CRYZ: variants seen among roughly 807,000 people sequenced by gnomAD.
CRYZ encodes the protein crystallin zeta, also known as zeta-crystallin.
A neutral mutation model predicts 34.1 loss-of-function variants in CRYZ; 35 were observed. That is an observed-to-expected ratio of 1.03 (90% CI 0.78 to 1.36). The LOEUF (loss-of-function observed/expected upper bound fraction) is 1.36, where lower values mean the gene tolerates loss of function less well. Among genes scored for constraint, CRYZ ranks in the 40% most tolerant of loss-of-function variants. The pLI, the probability that CRYZ is intolerant of heterozygous loss-of-function variation, is 0.00. For missense variants in CRYZ, 403 were observed against 391.8 expected, an observed-to-expected ratio of 1.03 and a Z score of -0.24; for synonymous variants, 137 against 136.5, an observed-to-expected ratio of 1.00 and a Z score of -0.03.
chr1:74,730,139 A>G (rs757079047), intron 1 of CRYZ, among the ~76,000 whole-genome samples: 1 of 151,998 alleles, frequency 6.6e-6, no homozygotes, highest in African/African-American at 2.4e-5. Context: ...CCCCCCCCAC[A>G]TTTTGGCATT....
chr1:74,727,797 T>C (rs1647460883), intron 1 of CRYZ, among the ~76,000 whole-genome samples: 2 of 152,132 alleles, frequency 1.3e-5, no homozygotes, highest in Admixed American at 6.5e-5. Context: ...AAGATGAGAT[T>C]TGGGTGGCGA....
intron 5 of CRYZ, among the ~76,000 whole-genome samples, chr1:74,711,296 T>A (rs1646999483): frequency 6.6e-6 from 1 of 152,184 alleles, no homozygotes; most frequent in Non-Finnish European, 1.5e-5. Flanking sequence ...TTAAAAAGGT[T>A]GCTCCAATTA....
At chr1:74,728,047 A>T (rs1269739089) in intron 1 of CRYZ, among the ~76,000 whole-genome samples, 1 of 152,208 alleles carries the variant, frequency 6.6e-6, no homozygotes, top group Admixed American at 6.5e-5. Flanking sequence ...CAGTTTAGGG[A>T]ATATAAAAAT....
At chr1:74,723,536 T>C (rs934118191) in intron 2 of CRYZ, among the ~76,000 whole-genome samples, 1 of 152,214 alleles carries the variant, frequency 6.6e-6, no homozygotes, top group Non-Finnish European at 1.5e-5. Context: ...CCTCTGCGTG[T>C]TCATCAAACC....
Position 74,707,082 on chromosome 1 carries a change from AAAAAG to A in CRYZ, c.732+16_732+20del, listed in dbSNP as rs1004093680. On this transcript the variant is annotated intron_variant, in intron 7 of 8. Coordinates refer to ENST00000340866, the MANE Select transcript of CRYZ (RefSeq NM_001889.4). ...AAAACATTAAAGTGGTAAAAAAAAA[AAAAAG>A]AAAAGGAATACTTACTATCACTCGT... The A allele has an allele frequency of 4.5e-6, 7 of 1,561,916 alleles. No individual in the cohort carries two copies. Among genetic ancestry groups the A allele is most frequent in the African/African-American group, 2.8e-5 (2 of 72,050 alleles).
At chr1:74,720,407 C>T (rs1460163711) in intron 3 of CRYZ, among the ~76,000 whole-genome samples, 1 of 152,120 alleles carries the variant, frequency 6.6e-6, no homozygotes, top group Non-Finnish European at 1.5e-5. Flanking sequence ...AAAGTAGATG[C>T]AGGACTCAGG....
chr1:74,713,652 G>C (rs1647034072), intron 5 of CRYZ, among the ~76,000 whole-genome samples: 1 of 152,078 alleles, frequency 6.6e-6, no homozygotes, highest in Non-Finnish European at 1.5e-5. Context: ...CACTTTTAAA[G>C]GTAAATTCAC....
intron 3 of CRYZ, among the ~76,000 whole-genome samples, chr1:74,720,261 T>G (rs1647140768): frequency 6.6e-6 from 1 of 150,632 alleles, no homozygotes; most frequent in African/African-American, 2.4e-5. Context: ...TTGCCGTTAT[T>G]TCTCATGCAA....
intron 1 of CRYZ, among the ~76,000 whole-genome samples, 185 bp from the exon 2 acceptor site, chr1:74,725,019 T>A (rs1469119288): frequency 6.6e-6 from 1 of 152,204 alleles, no homozygotes; most frequent in African/African-American, 2.4e-5. Context: ...TAAAGCAGAA[T>A]CCTTCATGCT....
At chr1:74,716,197 CGTGT>C (rs946657951) in intron 4 of CRYZ, among the ~76,000 whole-genome samples, 2 of 150,508 alleles carry the variant, frequency 1.3e-5, no homozygotes, top group Admixed American at 6.6e-5. Context: ...TCTGTGTGCG[CGTGT>C]GTGTGTGTGT....
chr1:74,716,297 T>C (rs1452329681), intron 4 of CRYZ, among the ~76,000 whole-genome samples: 2 of 151,996 alleles, frequency 1.3e-5, no homozygotes, highest in African/African-American at 2.4e-5. Context: ...ATCAAATAGA[T>C]AGATGATTGA....
chr1:74,706,305 A>C lies in CRYZ; in HGVS notation c.981T>G (p.Leu327=). The change falls in exon 9 of 9, where the codon CTT becomes CTG. Residue 327 remains leucine (L), a synonymous_variant. Coordinates refer to ENST00000340866, the MANE Select transcript of CRYZ (RefSeq NM_001889.4). ...ATGAAAGAATTAATCATCATAAGAG[A>C]AGAATCATTTTTCCAGTAGCCCCAC... The part of the protein sequence containing the change: ...HGSGATGKMI[L]LL 6.2e-7 allele frequency: 1 copy of C among 1,603,762 alleles called. No individual in the cohort carries two copies. The highest frequency in any genetic ancestry group is 1.7e-4 in the Middle Eastern group (1 of 5,994).
chr1:74,729,756 G>A (rs146839027), intron 1 of CRYZ, among the ~76,000 whole-genome samples: 24 of 152,048 alleles, frequency 1.6e-4, no homozygotes, highest in African/African-American at 5.3e-4. Context: ...ACAGAACTCT[G>A]GTTATCAAAA....
At chr1:74,721,007 C>T (rs191441111) in intron 3 of CRYZ, among the ~76,000 whole-genome samples, 1 of 152,116 alleles carries the variant, frequency 6.6e-6, no homozygotes, top group African/African-American at 2.4e-5. Context: ...GAGAAGCTAA[C>T]AATTGAGGTA....
chr1:74,721,167 T>C (rs1171654376), intron 3 of CRYZ, among the ~76,000 whole-genome samples: 1 of 152,136 alleles, frequency 6.6e-6, no homozygotes. Context: ...GACTAATGTG[T>C]GGTATGTAAC....
At chr1:74,724,208 T>C (rs1369709033) in intron 2 of CRYZ, among the ~76,000 whole-genome samples, 1 of 152,216 alleles carries the variant, frequency 6.6e-6, no homozygotes, top group Non-Finnish European at 1.5e-5. Context: ...CTCATAGGCT[T>C]GCTAAGAAAA....
At position 74,705,696 on chromosome 1, in the gene CRYZ, T is replaced by C. The variant is rs1646919468; in HGVS notation, c.*600A>G. On this transcript the variant is annotated 3_prime_UTR_variant, in exon 9 of 9. Transcript: ENST00000340866. ...TATTATATCAAAGATAAAGCTACTA[T>C]TCTCACAGAACATATGGGGTCATTG... 1 of 152,140 alleles carries C rather than the reference T, an allele frequency of 6.6e-6. No homozygotes were observed. Among genetic ancestry groups the C allele is most frequent in the Non-Finnish European group, 1.5e-5 (1 of 68,002 alleles). 9.4% of individuals were successfully genotyped at this position (152,140 alleles called of 1,614,324 possible).
chr1:74,730,272 G>A (rs1647640769), intron 1 of CRYZ: 1 of 152,142 alleles, frequency 6.6e-6, no homozygotes, highest in African/African-American at 2.4e-5. Flanking sequence ...GATGGGGCAT[G>A]GCCTGACCAC....
At chr1:74,726,855 C>T (rs1023788241) in intron 1 of CRYZ, among the ~76,000 whole-genome samples, 2 of 152,164 alleles carry the variant, frequency 1.3e-5, no homozygotes, top group South Asian at 4.1e-4. Flanking sequence ...TTAGAAATTT[C>T]TTCAGCCAGA....
Sources: gnomAD v4.1 joint callset for allele counts (sites outside exome capture counted in the v4.1 genomes callset) on GRCh38, gnomAD v4.1.1 for gene constraint, MANE v1.5 for transcripts, NCBI Gene and HGNC (gene_info 2026-07-23, HGNC 2026-07-21) for gene names.